The following DSCAML1 variants were observed in gnomAD, a reference collection of about 807,000 sequenced individuals.
DSCAML1 encodes the protein DS cell adhesion molecule like 1, also known as cell adhesion molecule DSCAML1.
A neutral mutation model predicts 200.5 loss-of-function variants in DSCAML1; 38 were observed. The ratio of observed to expected loss-of-function variants is 0.19; its 90% CI spans 0.15 to 0.25. DSCAML1 has a LOEUF of 0.25. Among genes scored for constraint, DSCAML1 ranks in the 10% least tolerant of loss-of-function variants. The pLI is 1.00. For missense variants in DSCAML1, 2,223 were observed against 2,858.8 expected, an observed-to-expected ratio of 0.78 and a Z score of 5.07; for synonymous variants, 1,215 against 1,165.0, an observed-to-expected ratio of 1.04 and a Z score of -0.87.
intron 3 of DSCAML1, among the ~76,000 whole-genome samples, chr11:117,686,398 C>T (rs907520048): frequency 6.6e-6 from 1 of 152,222 alleles, no homozygotes; most frequent in Admixed American, 6.5e-5. Flanking sequence ...GGTAACTGGG[C>T]CTCAGAAAGA....
At chr11:117,770,903 G>A (rs758438594) in intron 3 of DSCAML1, among the ~76,000 whole-genome samples, 12 of 152,220 alleles carry the variant, frequency 7.9e-5, no homozygotes, top group Non-Finnish European at 1.8e-4. Context: ...ACTGGTATCT[G>A]TAGTGAAATA....
intron 1 of DSCAML1, among the ~76,000 whole-genome samples, chr11:117,791,983 G>A (rs2055475017): frequency 6.6e-6 from 1 of 152,218 alleles, no homozygotes; most frequent in African/African-American, 2.4e-5. Flanking sequence ...GCCAGTAAGT[G>A]CAGAGCCAGG....
intron 3 of DSCAML1, among the ~76,000 whole-genome samples, chr11:117,544,353 G>T (rs1401342980): frequency 6.6e-6 from 1 of 152,236 alleles, no homozygotes; most frequent in African/African-American, 2.4e-5. Flanking sequence ...GGACTAATGA[G>T]ATAACTTGCC....
At chr11:117,617,810 C>T (rs2137543841) in intron 3 of DSCAML1, among the ~76,000 whole-genome samples, 1 of 152,166 alleles carries the variant, frequency 6.6e-6, no homozygotes, top group East Asian at 1.9e-4. Context: ...AAAAGAAATG[C>T]CTCGTGTCAC....
intron 3 of DSCAML1, among the ~76,000 whole-genome samples, chr11:117,666,233 T>A (rs2137657880): frequency 6.6e-6 from 1 of 152,296 alleles, no homozygotes; most frequent in Non-Finnish European, 1.5e-5. Context: ...CTCTTCAGCA[T>A]CAATTTCCAC....
At chr11:117,536,950 A>G (rs1202128599) in intron 3 of DSCAML1, among the ~76,000 whole-genome samples, 3 of 152,228 alleles carry the variant, frequency 2.0e-5, no homozygotes, top group Non-Finnish European at 2.9e-5. Flanking sequence ...TACGTACATT[A>G]TCTCATTTAA....
Position 117,546,246 on chromosome 11 carries a change from C to G in DSCAML1, c.512-13724G>C, listed in dbSNP as rs60903025. ...AACAGCATGGTAGAGCAGAGAGAAC[C>G]CAGCTCTGCAGTCAGAAGGCTTGGA... On this transcript the variant is annotated intron_variant, in intron 3 of 32. Coordinates refer to ENST00000651296, the MANE Select transcript of DSCAML1 (RefSeq NM_020693.4). Among the ~76,000 whole-genome samples, 497 of 152,294 alleles carry G rather than the reference C, an allele frequency of 3.3e-3. 8 individuals carry two copies. The highest frequency in any genetic ancestry group is 0.011 in the African/African-American group (475 of 41,558).
intron 3 of DSCAML1, among the ~76,000 whole-genome samples, chr11:117,551,813 T>TCAGCAGTCACAC (rs879927283): frequency 2.6e-5 from 4 of 151,826 alleles, no homozygotes; most frequent in Non-Finnish European, 5.9e-5. Flanking sequence ...TCTCAGCATA[T>TCAGCAGTCACAC]CAGCAGTCAC....
At chr11:117,579,650 G>A (rs563788658) in intron 3 of DSCAML1, among the ~76,000 whole-genome samples, 86 of 152,206 alleles carry the variant, frequency 5.7e-4, no homozygotes, top group African/African-American at 1.9e-3. Context: ...TTTCTAGTTC[G>A]TGACGATATT....
intron 3 of DSCAML1, among the ~76,000 whole-genome samples, chr11:117,705,369 A>AT (rs1028913393): frequency 1.3e-5 from 2 of 152,116 alleles, no homozygotes; most frequent in African/African-American, 2.4e-5. Context: ...ATTACATTTT[A>AT]TTTTTTTGCT....
intron 19 of DSCAML1, among the ~76,000 whole-genome samples, chr11:117,457,143 C>A (rs1258139692): frequency 6.6e-6 from 1 of 152,198 alleles, no homozygotes; most frequent in African/African-American, 2.4e-5. Context: ...GAATGCCAGG[C>A]TGGGGGCATG....
intron 1 of DSCAML1, among the ~76,000 whole-genome samples, chr11:117,790,151 C>G (rs921247622): frequency 6.6e-6 from 1 of 152,188 alleles, no homozygotes; most frequent in Non-Finnish European, 1.5e-5. Flanking sequence ...TTCAGAGATT[C>G]CAGTGAATAC....
rs1218093098 is a variant in DSCAML1, at chr11:117,505,854, C to CTGCA, written c.1784-126_1784-123dup. Reference sequence around the variant, plus strand: ...CCTTGAACAAAGATCCCCTGGGGCACTGCAGCCTTGTTCTCCTATGCATGC... The same window carrying CTGCA: ...CCTTGAACAAAGATCCCCTGGGGCACTGCATGCAGCCTTGTTCTCCTATGCATGC... On this transcript the variant is annotated intron_variant, in intron 8 of 32. Transcript: ENST00000651296. This position sits in a 1 kb window ranked among gnomAD's most constrained non-coding sequence, Gnocchi z 6.7. The CTGCA allele has an allele frequency of 1.6e-6, 2 of 1,241,020 alleles. No homozygotes were observed. The highest frequency in any genetic ancestry group is 2.5e-5 in the Admixed American group (1 of 39,284). 76.9% of individuals were successfully genotyped at this position (1,241,020 alleles called of 1,614,324 possible).
intron 3 of DSCAML1, among the ~76,000 whole-genome samples, chr11:117,752,887 G>A (rs780696380): frequency 4.1e-4 from 63 of 152,302 alleles, no homozygotes; most frequent in Middle Eastern, 6.8e-3. Context: ...CAGAGCCTGC[G>A]CACAGGGGTG....
intron 3 of DSCAML1, among the ~76,000 whole-genome samples, chr11:117,700,134 C>T (rs1004417729): frequency 3.3e-5 from 5 of 152,186 alleles, no homozygotes; most frequent in Non-Finnish European, 7.3e-5. Context: ...ATTCTGAATT[C>T]ACGGGGCCTT....
chr11:117,780,231 G>GGAAAGAAA lies in DSCAML1; in HGVS notation c.364+254_364+261dup, dbSNP rs762329735. Among the ~76,000 whole-genome samples, 799 of 60,628 alleles carry GGAAAGAAA rather than the reference G, an allele frequency of 0.013. 24 individuals are homozygous for GGAAAGAAA. Among genetic ancestry groups the GGAAAGAAA allele is most frequent in the Middle Eastern group, 0.058 (8 of 138 alleles). 39.8% of individuals were successfully genotyped at this position (60,628 alleles called of 152,430 possible). ...AAAGAGAGAGAGAGAAAGAAAGAAA[G>GGAAAGAAA]GAAAGAAAGAAAGAAAGAAAGAAAG... is the stretch of plus-strand genomic sequence containing the variant. On this transcript the variant is annotated intron_variant, in intron 2 of 32. Coordinates refer to ENST00000651296, the MANE Select transcript of DSCAML1 (RefSeq NM_020693.4). This position sits in a 1 kb window ranked among gnomAD's most constrained non-coding sequence, Gnocchi z 4.8.
chr11:117,469,516 G>A lies in DSCAML1; in HGVS notation c.3024+394C>T, dbSNP rs1351646724. Among the ~76,000 whole-genome samples, 1 of 152,092 alleles carries A rather than the reference G, an allele frequency of 6.6e-6. No homozygotes were observed. Among genetic ancestry groups the A allele is most frequent in the Non-Finnish European group, 1.5e-5 (1 of 68,022 alleles). On this transcript the variant is annotated intron_variant, in intron 16 of 32. Transcript: ENST00000651296. This position sits in a 1 kb window ranked among gnomAD's most constrained non-coding sequence, Gnocchi z 4.1. ...TTTCTCCACCCTCAGAGGTAGGGAG[G>A]GCAGTTGTTTTCATGCTGATGTTAG...
chr11:117,579,912 A>G (rs551291958), intron 3 of DSCAML1, among the ~76,000 whole-genome samples: 1 of 152,324 alleles, frequency 6.6e-6, no homozygotes, highest in South Asian at 2.1e-4. Context: ...GTGGAGTCCA[A>G]AAGTGTGATT....
intron 3 of DSCAML1, among the ~76,000 whole-genome samples, chr11:117,683,402 T>A (rs572642323): frequency 6.6e-6 from 1 of 152,248 alleles, no homozygotes; most frequent in Non-Finnish European, 1.5e-5. Flanking sequence ...TGTAAAGTGA[T>A]CTGCTAGTCT....
Sources: gnomAD v4.1 joint callset for allele counts (sites outside exome capture counted in the v4.1 genomes callset) on GRCh38, gnomAD v4.1.1 for gene constraint, Gnocchi (gnomAD v3.1) non-coding constraint, MANE v1.5 for transcripts, NCBI Gene and HGNC (gene_info 2026-07-23, HGNC 2026-07-21) for gene names.